ABCA13: variants seen among roughly 807,000 people sequenced by gnomAD.
ABCA13 encodes the protein ATP-binding cassette sub-family A member 13.
In ABCA13, 476 loss-of-function variants were observed where a neutral mutation model predicts 478.7. The ratio of observed to expected loss-of-function variants is 0.99; its 90% CI spans 0.92 to 1.07. ABCA13 has a LOEUF of 1.07. Among genes scored for constraint, ABCA13 ranks in the 50% least tolerant of loss-of-function variants. The probability of loss-of-function intolerance (pLI) is 0.00; values close to 1 mark genes in which losing one functional copy is unlikely to be tolerated. For synonymous variants in ABCA13, 2,252 were observed against 2,158.9 expected (o/e 1.04, Z -1.20); for missense variants, 6,060 against 5,910.6 (o/e 1.03, Z -0.83).
intron 19 of ABCA13, among the ~76,000 whole-genome samples, chr7:48,282,261 G>C (rs1797150421): frequency 6.6e-6 from 1 of 152,188 alleles, no homozygotes. Context: ...TGATCTTAGG[G>C]CTTTTCTGAA....
chr7:48,570,254 A>G (rs780807460), intron 55 of ABCA13, among the ~76,000 whole-genome samples: 5 of 149,586 alleles, frequency 3.3e-5, no homozygotes, highest in Admixed American at 6.7e-5. Context: ...ATTTTGTTAT[A>G]TATTAGTAGA....
At chr7:48,547,985 C>G (rs1784971404) in intron 55 of ABCA13, among the ~76,000 whole-genome samples, 1 of 151,862 alleles carries the variant, frequency 6.6e-6, no homozygotes, top group Non-Finnish European at 1.5e-5. Context: ...ATGTTTACTT[C>G]CTGTTTGCTA....
At position 48,398,916 on chromosome 7, in the gene ABCA13, G is replaced by A. The variant is rs116212489; in HGVS notation, c.11874-4767G>A. Among the ~76,000 whole-genome samples, 238 of 152,254 alleles carry A rather than the reference G, an allele frequency of 1.6e-3. 1 individual carries two copies. Among genetic ancestry groups the A allele is most frequent in the African/African-American group, 5.5e-3 (229 of 41,560 alleles). On this transcript the variant is annotated intron_variant, in intron 38 of 61. Coordinates refer to ENST00000435803, the MANE Select transcript of ABCA13 (RefSeq NM_152701.5). ...ATCAGTAGCAAAGGTGGAAGACAAGGAAGTGAACCAAGTCCACTAATGGTG... is the reference window on the plus strand; with the variant it reads ...ATCAGTAGCAAAGGTGGAAGACAAGAAAGTGAACCAAGTCCACTAATGGTG...
intron 56 of ABCA13, among the ~76,000 whole-genome samples, chr7:48,586,874 C>T (rs1329524793): frequency 6.6e-6 from 1 of 152,114 alleles, no homozygotes; most frequent in Admixed American, 6.5e-5. Context: ...ATCTGGACCC[C>T]CAACCTTGAG....
At chr7:48,341,041 T>C (rs1472697820) in intron 29 of ABCA13, among the ~76,000 whole-genome samples, 1 of 152,236 alleles carries the variant, frequency 6.6e-6, no homozygotes, top group Non-Finnish European at 1.5e-5. Context: ...ATCATTTCCC[T>C]GATCAGTTGC....
intron 23 of ABCA13, among the ~76,000 whole-genome samples, chr7:48,299,654 G>T (rs977519278): frequency 1.5e-4 from 23 of 149,972 alleles, no homozygotes; most frequent in African/African-American, 5.6e-4. Context: ...AATGTTTTAA[G>T]ACCAGGGTCA....
At chr7:48,338,125 A>G (rs927634537) in intron 28 of ABCA13, among the ~76,000 whole-genome samples, 40 of 152,344 alleles carry the variant, frequency 2.6e-4, no homozygotes, top group African/African-American at 9.4e-4. Context: ...TGTTTTTAGT[A>G]TTAACACATA....
At chr7:48,349,744 C>T (rs1032533549) in intron 29 of ABCA13, among the ~76,000 whole-genome samples, 3 of 152,140 alleles carry the variant, frequency 2.0e-5, no homozygotes, top group African/African-American at 7.2e-5. Flanking sequence ...CACAGGATGG[C>T]AGGTAGGCTC....
At chr7:48,403,540 C>A in intron 38 of ABCA13, 143 bp from the exon 39 acceptor site, 2 of 808,220 alleles carry the variant, frequency 2.5e-6, no homozygotes, top group Non-Finnish European at 3.9e-6. Flanking sequence ...GTGAGACTCA[C>A]GTGTGTGTAG....
chr7:48,440,339 A>G (rs925635434), intron 42 of ABCA13, among the ~76,000 whole-genome samples: 4 of 152,268 alleles, frequency 2.6e-5, no homozygotes, highest in Admixed American at 2.6e-4. Flanking sequence ...TCTGAACTTT[A>G]TATAAAAGGA....
At chr7:48,394,514 A>G (rs932796783) in intron 38 of ABCA13, among the ~76,000 whole-genome samples, 1 of 151,942 alleles carries the variant, frequency 6.6e-6, no homozygotes, top group Non-Finnish European at 1.5e-5. Flanking sequence ...AGTCCCCTCT[A>G]TTTCTCTGGC....
chr7:48,403,987 T>C (rs759072246), intron 39 of ABCA13, 108 bp downstream of exon 39: 2 of 1,298,996 alleles, frequency 1.5e-6, no homozygotes, highest in South Asian at 2.5e-5. Context: ...GGCTACATTA[T>C]CCTTTTCAGA....
intron 48 of ABCA13, among the ~76,000 whole-genome samples, chr7:48,500,647 A>C (rs756509628): frequency 3.9e-5 from 6 of 152,232 alleles, no homozygotes; most frequent in Non-Finnish European, 8.8e-5. Context: ...CAAGATAAAA[A>C]TGAAAAGTTC....
At chr7:48,281,586 G>A (rs918162611) in intron 19 of ABCA13, 134 bp downstream of exon 19, 3 of 776,940 alleles carry the variant, frequency 3.9e-6, no homozygotes, top group African/African-American at 3.5e-5. Flanking sequence ...TGGCAACCAG[G>A]CCTTGAGGGA....
Position 48,646,877 on chromosome 7 carries a change from T to C in ABCA13, c.*1365T>C, listed in dbSNP as rs951708673. 6.6e-6 allele frequency: 1 copy of C among 152,220 alleles called. No homozygotes were observed. The highest frequency in any genetic ancestry group is 6.5e-5 in the Admixed American group (1 of 15,288). 9.4% of individuals were successfully genotyped at this position (152,220 alleles called of 1,614,324 possible). Reference sequence around the variant, plus strand: ...TGTAAAAATTATGTCATTCTCAGAATTGTTGTCTTCAAAGCATTGTCAGAT... The same window carrying C: ...TGTAAAAATTATGTCATTCTCAGAACTGTTGTCTTCAAAGCATTGTCAGAT... On this transcript the variant is annotated 3_prime_UTR_variant, in exon 62 of 62. Transcript: ENST00000435803.
intron 1 of ABCA13, among the ~76,000 whole-genome samples, chr7:48,189,046 G>T (rs1796738229): frequency 6.6e-6 from 1 of 152,140 alleles, no homozygotes; most frequent in Non-Finnish European, 1.5e-5. Context: ...TTTACCAGAC[G>T]GTTATTTTTC....
At chr7:48,382,507 C>T (rs982095891) in intron 35 of ABCA13, among the ~76,000 whole-genome samples, 10 of 152,190 alleles carry the variant, frequency 6.6e-5, no homozygotes, top group African/African-American at 2.4e-4. Flanking sequence ...AAATACAGGG[C>T]ACCCAGGTGA....
Position 48,514,231 on chromosome 7 carries a change from C to G in ABCA13, c.13641-2494C>G, listed in dbSNP as rs796084941. On this transcript the variant is annotated intron_variant, in intron 51 of 61. Coordinates refer to ENST00000435803, the MANE Select transcript of ABCA13 (RefSeq NM_152701.5). ...GATGATAATCTTGCTGTGTGTTGTGCCAGGCCAACCACATCATGTTCTCTG... is the reference window on the plus strand; with the variant it reads ...GATGATAATCTTGCTGTGTGTTGTGGCAGGCCAACCACATCATGTTCTCTG... Among the ~76,000 whole-genome samples the G allele has an allele frequency of 2.0e-5, 3 of 152,226 alleles. No homozygotes were observed. In the East Asian group the frequency reaches 5.8e-4, roughly 29 times the overall value.
At chr7:48,391,660 A>G (rs112890304) in intron 37 of ABCA13, among the ~76,000 whole-genome samples, 1 of 152,172 alleles carries the variant, frequency 6.6e-6, no homozygotes, top group African/African-American at 2.4e-5. Flanking sequence ...TTATGGGTTT[A>G]TTGGGACATA....
Sources: allele counts gnomAD v4.1 joint callset (sites outside exome capture counted in the v4.1 genomes callset), GRCh38; gene constraint gnomAD v4.1.1; transcripts MANE v1.5; gene names NCBI Gene and HGNC (gene_info 2026-07-23, HGNC 2026-07-21).